NAV3: variants seen among roughly 807,000 people sequenced by gnomAD.
NAV3 encodes neuron navigator 3, also known as pore membrane and/or filament interacting like protein 1.
NAV3 carries 87 observed loss-of-function variants against 244.7 expected under a neutral mutation model. The observed-to-expected ratio is 0.36, with a 90% confidence interval of 0.30 to 0.42. The LOEUF (loss-of-function observed/expected upper bound fraction) is 0.42, where lower values mean the gene tolerates loss of function less well. Ranked by LOEUF, NAV3 falls within the 20% of genes least tolerant of loss-of-function variation. The pLI is 1.00. For synonymous variants in NAV3, 1,126 were observed against 1,042.2 expected, an observed-to-expected ratio of 1.08 and a Z score of -1.55; for missense variants, 2,663 against 2,893.3, an observed-to-expected ratio of 0.92 and a Z score of 1.83.
intron 2 of NAV3, among the ~76,000 whole-genome samples, chr12:77,616,335 G>A (rs536788699): frequency 6.6e-6 from 1 of 150,874 alleles, no homozygotes; most frequent in East Asian, 2.0e-4. Context: ...TGAATAGGGA[G>A]GCAGAGGTTG....
intron 3 of NAV3, among the ~76,000 whole-genome samples, chr12:77,960,992 T>C (rs961863187): frequency 3.4e-5 from 5 of 146,142 alleles, no homozygotes; most frequent in Non-Finnish European, 7.5e-5. Context: ...ATGTTACATG[T>C]ATACGCATAT....
In NAV3 at chr12:78,179,567, T is replaced by G; in HGVS notation, c.5402T>G (p.Leu1801Arg). 2 of 1,613,380 alleles carry G rather than the reference T, an allele frequency of 1.2e-6. No homozygotes were observed. Among genetic ancestry groups the G allele is most frequent in the Non-Finnish European group, 1.7e-6 (2 of 1,179,532 alleles). ...ECTEAEAEII[L>R]QLKSELREKE... ...ACAGAAGCTGAGGCAGAGATAATTC[T>G]GCAGCTGAAGAGCGAGCTCAGAGAA... The change falls in exon 29 of 40, where the codon CTG becomes CGG. Residue 1801 changes from leucine (L) to arginine (R), a missense_variant. Leu to Arg is a moderately radical substitution (Grantham distance 102). Coordinates refer to ENST00000397909, the MANE Select transcript of NAV3 (RefSeq NM_001024383.2).
Position 78,119,721 on chromosome 12 carries a change from C to A in NAV3, c.3525C>A (p.Thr1175=), listed in dbSNP as rs768738816. The A allele has an allele frequency of 6.2e-7, 1 of 1,614,182 alleles. No individual in the cohort carries two copies. The highest frequency in any genetic ancestry group is 2.2e-5 in the East Asian group (1 of 44,874). The part of the protein sequence containing the change: ...NVSSKSAGAT[T]SKLREPTKIG... ...GCAGCAAGTCTGCTGGGGCCACCAC[C>A]TCGAAACTGAGAGAACCAACTAAAA... is the stretch of plus-strand genomic sequence containing the variant. Residue 1175 remains threonine, a synonymous_variant, in exon 15 of 40, where the codon ACC becomes ACA. Coordinates refer to ENST00000397909, the MANE Select transcript of NAV3 (RefSeq NM_001024383.2).
intron 2 of NAV3, among the ~76,000 whole-genome samples, chr12:77,605,190 GCAAT>G (rs1870616040): frequency 2.0e-5 from 3 of 151,972 alleles, no homozygotes; most frequent in Admixed American, 2.0e-4. Flanking sequence ...AAAATGCCCT[GCAAT>G]CATTCATTCA....
chr12:77,977,710 G>GCACA (rs1232771315), intron 5 of NAV3, among the ~76,000 whole-genome samples: 6 of 86,194 alleles, frequency 7.0e-5, no homozygotes, highest in Admixed American at 3.9e-4. Context: ...ACACACACAC[G>GCACA]CGCACACACA....
intron 2 of NAV3, among the ~76,000 whole-genome samples, chr12:77,626,485 G>C (rs1214063374): frequency 1.3e-5 from 2 of 152,026 alleles, no homozygotes; most frequent in Non-Finnish European, 2.9e-5. Flanking sequence ...AATCCAAAAA[G>C]GTCTTTATAG....
upstream of NAV3, among the ~76,000 whole-genome samples, chr12:77,828,641 A>T (rs1346953136): frequency 1.3e-5 from 2 of 152,182 alleles, no homozygotes; most frequent in Non-Finnish European, 2.9e-5. Context: ...CTCCTGGCAC[A>T]AAGCACATTT....
chr12:77,894,481 A>G (rs1382810854), intron 1 of NAV3, among the ~76,000 whole-genome samples: 3 of 152,156 alleles, frequency 2.0e-5, no homozygotes, highest in South Asian at 2.1e-4. Context: ...TTTAAAAAAC[A>G]ACAATAAGCT....
At chr12:78,161,421 G>A (rs899076371) in intron 23 of NAV3, among the ~76,000 whole-genome samples, 2 of 151,930 alleles carry the variant, frequency 1.3e-5, no homozygotes, top group African/African-American at 4.8e-5. Context: ...AAAATTAATA[G>A]AATTTTTGTC....
chr12:78,172,641 A>T (rs1958052476), intron 24 of NAV3, among the ~76,000 whole-genome samples: 1 of 151,586 alleles, frequency 6.6e-6, no homozygotes, highest in African/African-American at 2.4e-5. Flanking sequence ...ATATCCAAGG[A>T]ATAATTGTCA....
At chr12:77,904,328 G>C (rs532269592) in intron 1 of NAV3, among the ~76,000 whole-genome samples, 3,029 of 152,220 alleles carry the variant, frequency 0.02, 38 homozygotes, top group African/African-American at 0.035. Flanking sequence ...AAAATGATGA[G>C]TTCATGTCCT....
At chr12:77,614,009 G>A (rs962168451) in intron 2 of NAV3, among the ~76,000 whole-genome samples, 5 of 151,264 alleles carry the variant, frequency 3.3e-5, no homozygotes, top group Admixed American at 1.3e-4. Flanking sequence ...TATGGATGTG[G>A]GCCTTGCTAC....
intron 10 of NAV3, among the ~76,000 whole-genome samples, chr12:78,050,507 T>A (rs1882575741): frequency 6.6e-6 from 1 of 152,196 alleles, no homozygotes; most frequent in Admixed American, 6.5e-5. Flanking sequence ...GAGTTAAGGA[T>A]TTGTTGAAAA....
intron 15 of NAV3, 140 bp downstream of exon 15, chr12:78,120,085 CAGTG>C (rs925638172): frequency 1.5e-5 from 7 of 473,172 alleles, no homozygotes; most frequent in African/African-American, 2.0e-5. Flanking sequence ...TTAAAGTACA[CAGTG>C]AGCTCTATGA....
intron 2 of NAV3, among the ~76,000 whole-genome samples, chr12:77,723,751 T>C (rs1876744839): frequency 8.8e-6 from 1 of 113,738 alleles, no homozygotes; most frequent in South Asian, 3.8e-4. Flanking sequence ...CTTGGCAATC[T>C]TGACTTTTTT....
chr12:77,901,245 A>G (rs566714901), intron 1 of NAV3, among the ~76,000 whole-genome samples: 2 of 152,194 alleles, frequency 1.3e-5, no homozygotes, highest in South Asian at 2.1e-4. Context: ...CCACTTGTCA[A>G]TTTTTGTTTT....
intron 1 of NAV3, among the ~76,000 whole-genome samples, chr12:77,869,962 A>G (rs141365756): frequency 0.011 from 1,696 of 152,308 alleles, 31 homozygotes; most frequent in African/African-American, 0.039. Context: ...GGATTATGAG[A>G]TAAACACATG....
At chr12:77,961,701 T>G (rs927097433) in intron 3 of NAV3, among the ~76,000 whole-genome samples, 1 of 147,778 alleles carries the variant, frequency 6.8e-6, no homozygotes, top group Non-Finnish European at 1.5e-5. Context: ...TGTTATATAA[T>G]ATAAGTAATG....
At chr12:77,583,336 A>G (rs995594684) in intron 2 of NAV3, among the ~76,000 whole-genome samples, 2 of 152,240 alleles carry the variant, frequency 1.3e-5, no homozygotes, top group South Asian at 4.1e-4. Context: ...TAAGGCCTCC[A>G]TCTTTTAACA....
Sources: gnomAD v4.1 joint callset for allele counts (sites outside exome capture counted in the v4.1 genomes callset) on GRCh38, gnomAD v4.1.1 for gene constraint, MANE v1.5 for transcripts, NCBI Gene and HGNC (gene_info 2026-07-23, HGNC 2026-07-21) for gene names.